The following METTL21C variants were observed in gnomAD, a reference collection of about 807,000 sequenced individuals.
The protein encoded by METTL21C is methyltransferase 21C, AARS1 lysine.
A neutral mutation model predicts 25.9 loss-of-function variants in METTL21C; 21 were observed. The observed-to-expected ratio is 0.81, with a 90% CI of 0.58 to 1.17. The LOEUF is 1.17. Ranked by LOEUF, METTL21C falls within the 50% of genes most tolerant of loss-of-function variation. The pLI, the probability that METTL21C is intolerant of heterozygous loss-of-function variation, is 0.00. For synonymous variants in METTL21C, 125 were observed against 124.7 expected (o/e 1.00, Z -0.01); for missense variants, 312 against 315.1 (o/e 0.99, Z 0.07).
At chr13:102,702,686 G>A in the METTL21C span, among the ~76,000 whole-genome samples, 2 of 151,996 alleles carry the variant, frequency 1.3e-5, no homozygotes, top group African/African-American at 4.8e-5. Flanking sequence ...CGCTTCCTGG[G>A]TTCAAGTGAT....
At chr13:102,703,795 C>T in the METTL21C span, among the ~76,000 whole-genome samples, 1 of 152,200 alleles carries the variant, frequency 6.6e-6, no homozygotes. Flanking sequence ...AGCAGGCAGA[C>T]ATAACCCAGG....
chr13:102,698,541 C>G (rs1885983500), upstream of METTL21C, among the ~76,000 whole-genome samples: 1 of 152,114 alleles, frequency 6.6e-6, no homozygotes, highest in Non-Finnish European at 1.5e-5. Context: ...CTAAAACCAC[C>G]CACATCAGCA....
At position 102,685,823 on chromosome 13, in the gene METTL21C, G is replaced by A. The variant is rs1013561113; in HGVS notation, c.*208C>T. On this transcript the variant is annotated 3_prime_UTR_variant, in exon 4 of 4. Transcript: ENST00000267273. Reference sequence around the variant, plus strand: ...AAAGCTACTTTCATGTTTTTATGTTGTTCTTTTTAGATATTTAGATTAACC... The same window carrying A: ...AAAGCTACTTTCATGTTTTTATGTTATTCTTTTTAGATATTTAGATTAACC... The A allele has an allele frequency of 1.4e-5, 7 of 501,580 alleles. No homozygotes were observed. Among genetic ancestry groups the A allele is most frequent in the African/African-American group, 1.4e-4 (7 of 51,436 alleles). The allele number at this position is 501,580 out of a possible 1,614,324, so 31.1% of individuals were successfully genotyped here.
At chr13:102,691,011 A>G in intron 1 of METTL21C, 47 bp from the exon 2 acceptor site, 1 of 1,598,984 alleles carries the variant, frequency 6.3e-7, no homozygotes. Flanking sequence ...GTTCAAATCC[A>G]GTGCAAAGAC....
chr13:102,701,622 T>A, the METTL21C span, among the ~76,000 whole-genome samples: 7 of 152,116 alleles, frequency 4.6e-5, no homozygotes, highest in African/African-American at 1.7e-4. Flanking sequence ...TGTGTGTGTG[T>A]GTATGTGCGT....
At chr13:102,696,448 G>A (rs1426955107), upstream of METTL21C, among the ~76,000 whole-genome samples, 1 of 151,974 alleles carries the variant, frequency 6.6e-6, no homozygotes, top group East Asian at 1.9e-4. Context: ...AAACCACCAT[G>A]GCACGTGTAT....
chr13:102,694,444 TG>T lies in METTL21C; in HGVS notation c.54del (p.Ser19AlafsTer7), dbSNP rs772394705. On this transcript the variant is annotated frameshift_variant, in exon 1 of 4. Transcript: ENST00000267273. LOFTEE classifies it high-confidence loss of function. ...AQQPGRRGEG[L>X]SSPGGWLEAE... ...GCCTCTAACCAGCCACCCGGGGAGCTGAGTCCTTCCCCCCGGCGCCCAGGCT... is the reference window on the plus strand; with the variant it reads ...GCCTCTAACCAGCCACCCGGGGAGCTAGTCCTTCCCCCCGGCGCCCAGGCT... 7 of 1,463,312 alleles carry T rather than the reference TG, an allele frequency of 4.8e-6. No individual in the cohort carries two copies. In the South Asian group the frequency reaches 6.9e-5, roughly 15 times the overall value. 90.6% of individuals were successfully genotyped at this position (1,463,312 alleles called of 1,614,324 possible).
the METTL21C span, among the ~76,000 whole-genome samples, chr13:102,703,233 C>T: frequency 6.6e-6 from 1 of 152,180 alleles, no homozygotes; most frequent in Non-Finnish European, 1.5e-5. Flanking sequence ...CTTCTCCTTT[C>T]CCCTCCCTGC....
At chr13:102,698,144 G>T (rs79357755), upstream of METTL21C, among the ~76,000 whole-genome samples, 1 of 152,094 alleles carries the variant, frequency 6.6e-6, no homozygotes, top group Admixed American at 6.5e-5. Context: ...GGTGCTCAGA[G>T]GGTCCTCGAT....
intron 1 of METTL21C, among the ~76,000 whole-genome samples, chr13:102,692,782 T>C (rs1885864376): frequency 6.6e-6 from 1 of 152,112 alleles, no homozygotes; most frequent in Admixed American, 6.5e-5. Flanking sequence ...ACCAATTCAG[T>C]CCTGAGACCT....
intron 1 of METTL21C, among the ~76,000 whole-genome samples, chr13:102,691,594 C>T (rs562547755): frequency 2.6e-5 from 4 of 152,202 alleles, no homozygotes; most frequent in African/African-American, 4.8e-5. Context: ...GTGATCCACT[C>T]GTCCTGGCCT....
intron 1 of METTL21C, among the ~76,000 whole-genome samples, chr13:102,691,749 G>C (rs1885835683): frequency 6.6e-6 from 1 of 152,226 alleles, no homozygotes; most frequent in African/African-American, 2.4e-5. Context: ...AAAAGGTAGA[G>C]GCCCAGCCAG....
upstream of METTL21C, among the ~76,000 whole-genome samples, chr13:102,697,906 C>T (rs1885971876): frequency 6.6e-6 from 1 of 152,158 alleles, no homozygotes; most frequent in Admixed American, 6.5e-5. Flanking sequence ...GCAAAACACA[C>T]ACTTCAGAAT....
Position 102,694,498 on chromosome 13 carries a change from T to TGGCCGG in METTL21C, c.-1_1insCCGGCC. On this transcript the variant is annotated 5_prime_UTR_variant, in exon 1 of 4. Transcript: ENST00000267273. ...TGCGCGGAGCTCAGACACACGTCCA[T>TGGCCGG]AGCCGGCTGTCCCAAAGACAGCTGT... 2.5e-6 allele frequency: 1 copy of TGGCCGG among 404,468 alleles called. No homozygotes were observed. The highest frequency in any genetic ancestry group is 5.4e-5 in the South Asian group (1 of 18,532). The allele number at this position is 404,468 out of a possible 1,614,324, so 25.1% of individuals were successfully genotyped here.
chr13:102,688,351 G>A (rs945958824), intron 2 of METTL21C, among the ~76,000 whole-genome samples: 1 of 152,206 alleles, frequency 6.6e-6, no homozygotes, highest in South Asian at 2.1e-4. Context: ...TACTGTCTGG[G>A]AACTCAGTGG....
chr13:102,687,164 G>A, intron 2 of METTL21C, 107 bp from the exon 3 acceptor site: 1 of 795,400 alleles, frequency 1.3e-6, no homozygotes, highest in Non-Finnish European at 2.1e-6. Flanking sequence ...TATTACATAT[G>A]TTCAGTTTAT....
chr13:102,702,024 T>C, the METTL21C span, among the ~76,000 whole-genome samples: 1 of 151,726 alleles, frequency 6.6e-6, no homozygotes, highest in African/African-American at 2.4e-5. Flanking sequence ...ATTAGTCTGG[T>C]GTGGTGGCGG....
chr13:102,690,622 A>G (rs535235871), intron 2 of METTL21C, among the ~76,000 whole-genome samples, 191 bp downstream of exon 2: 1 of 152,234 alleles, frequency 6.6e-6, no homozygotes, highest in East Asian at 1.9e-4. Flanking sequence ...AAGCAAAACC[A>G]GTGTTTCTGA....
At chr13:102,700,449 A>G in the METTL21C span, among the ~76,000 whole-genome samples, 2 of 152,248 alleles carry the variant, frequency 1.3e-5, no homozygotes, top group African/African-American at 4.8e-5. Context: ...AAAAATCTCC[A>G]ACTGCAACTA....
Sources: gnomAD v4.1 joint callset for allele counts (sites outside exome capture counted in the v4.1 genomes callset) on GRCh38, gnomAD v4.1.1 for gene constraint, MANE v1.5 for transcripts, NCBI Gene and HGNC (gene_info 2026-07-23, HGNC 2026-07-21) for gene names.